NME7: variants seen among roughly 807,000 people sequenced by gnomAD.
NME7 encodes NME/NM23 family member 7, also known as nucleoside diphosphate kinase 7.
NME7 carries 41 observed loss-of-function variants against 49.1 expected under a neutral mutation model. The observed-to-expected ratio is 0.83, with a 90% CI of 0.65 to 1.08. The LOEUF is 1.08. Ranked by LOEUF, NME7 falls within the 50% of genes least tolerant of loss-of-function variation. NME7 has a pLI of 0.00. For synonymous variants in NME7, 139 were observed against 150.6 expected (o/e 0.92, Z 0.56); for missense variants, 423 against 463.4 (o/e 0.91, Z 0.80).
chr1:169,202,136 A>C (rs1240084411), intron 10 of NME7, among the ~76,000 whole-genome samples: 1 of 152,162 alleles, frequency 6.6e-6, no homozygotes, highest in Admixed American at 6.5e-5. Context: ...CATTTGCTGC[A>C]CATAGTAACT....
chr1:169,316,345 A>C (rs182074503), intron 3 of NME7, among the ~76,000 whole-genome samples: 2 of 152,294 alleles, frequency 1.3e-5, no homozygotes, highest in African/African-American at 4.8e-5. Flanking sequence ...TTATTATAGA[A>C]CTGTAAGTTA....
intron 11 of NME7, among the ~76,000 whole-genome samples, chr1:169,168,246 C>T (rs1659470623): frequency 6.6e-6 from 1 of 152,142 alleles, no homozygotes; most frequent in African/African-American, 2.4e-5. Context: ...TTCTTTTGTT[C>T]CTGCTCTAAA....
intron 10 of NME7, among the ~76,000 whole-genome samples, chr1:169,209,665 ATTCT>A (rs1341681664): frequency 6.6e-6 from 1 of 152,138 alleles, no homozygotes; most frequent in Non-Finnish European, 1.5e-5. Flanking sequence ...GATGTCATTA[ATTCT>A]TTATTTAAAT....
chr1:169,297,905 G>A (rs115093027), intron 6 of NME7, among the ~76,000 whole-genome samples: 38 of 152,308 alleles, frequency 2.5e-4, no homozygotes, highest in African/African-American at 8.9e-4. Flanking sequence ...TGAAAGAGCT[G>A]AAGGGACTTG....
At chr1:169,243,271 A>G (rs2101835434) in intron 7 of NME7, among the ~76,000 whole-genome samples, 1 of 152,316 alleles carries the variant, frequency 6.6e-6, no homozygotes, top group Middle Eastern at 3.4e-3. Context: ...AAAAGTGCAA[A>G]AGCAATTCAA....
chr1:169,267,135 G>A (rs1250106691), intron 7 of NME7, among the ~76,000 whole-genome samples: 1 of 133,494 alleles, frequency 7.5e-6, no homozygotes, highest in East Asian at 2.0e-4. Context: ...CGCCCAAGCT[G>A]AGAGCCAAAT....
chr1:169,320,171 A>C (rs891140565), intron 3 of NME7, among the ~76,000 whole-genome samples: 3 of 152,330 alleles, frequency 2.0e-5, no homozygotes, highest in Admixed American at 6.5e-5. Flanking sequence ...TCTAAACAAC[A>C]ATCATAAAGC....
chr1:169,342,507 A>C (rs926176317), intron 1 of NME7, among the ~76,000 whole-genome samples: 1 of 103,416 alleles, frequency 9.7e-6, no homozygotes. Flanking sequence ...ATACAAGTAC[A>C]TATATATATA....
chr1:169,282,777 T>C (rs1650077814), intron 7 of NME7, among the ~76,000 whole-genome samples: 1 of 152,200 alleles, frequency 6.6e-6, no homozygotes, highest in African/African-American at 2.4e-5. Flanking sequence ...AGTTTATTAA[T>C]CCTGAGTTCT....
intron 7 of NME7, chr1:169,283,745 C>A (rs1213377973): frequency 1.3e-5 from 2 of 152,136 alleles, no homozygotes; most frequent in Admixed American, 6.6e-5. Context: ...GTTGAAAATT[C>A]TTTTCTTTAA....
At chr1:169,185,184 G>A (rs1660033815) in intron 10 of NME7, among the ~76,000 whole-genome samples, 1 of 152,116 alleles carries the variant, frequency 6.6e-6, no homozygotes, top group Admixed American at 6.5e-5. Flanking sequence ...AAACACCTCT[G>A]ATGGGCCTCC....
intron 7 of NME7, among the ~76,000 whole-genome samples, chr1:169,251,434 C>G (rs1219801559): frequency 6.6e-6 from 1 of 151,696 alleles, no homozygotes; most frequent in Non-Finnish European, 1.5e-5. Context: ...ATCCATTCTG[C>G]CAATCTGTAT....
At chr1:169,292,473 T>G (rs577228508) in intron 6 of NME7, among the ~76,000 whole-genome samples, 1 of 151,948 alleles carries the variant, frequency 6.6e-6, no homozygotes, top group South Asian at 2.1e-4. Context: ...CTGAGCTGAG[T>G]GTTAAAAGGC....
rs532056718 is a variant in NME7, at chr1:169,171,621, G to T, written c.991-2067C>A. Among the ~76,000 whole-genome samples, 302 of 151,998 alleles carry T rather than the reference G, an allele frequency of 2.0e-3. 4 individuals are homozygous for T. The highest frequency in any genetic ancestry group is 7.1e-3 in the African/African-American group (293 of 41,460). ...CTACTAAAAATACAAAAATTAGCAG[G>T]GCATGGTGGCACGCACCTGTAGTCT... On this transcript the variant is annotated intron_variant, in intron 10 of 11. Coordinates refer to ENST00000367811, the MANE Select transcript of NME7 (RefSeq NM_013330.5).
chr1:169,288,003 A>G (rs1047027860), intron 6 of NME7, among the ~76,000 whole-genome samples: 1 of 152,158 alleles, frequency 6.6e-6, no homozygotes, highest in African/African-American at 2.4e-5. Flanking sequence ...GTTCACACTA[A>G]TCAGTTCTTT....
At chr1:169,289,870 TAAAAC>T (rs1241449924) in intron 6 of NME7, among the ~76,000 whole-genome samples, 1 of 152,088 alleles carries the variant, frequency 6.6e-6, no homozygotes, top group Admixed American at 6.6e-5. Flanking sequence ...AAAGTCTTTA[TAAAAC>T]AAAGTCACAA....
At chr1:169,163,329 G>A (rs114970959) in intron 11 of NME7, among the ~76,000 whole-genome samples, 2,199 of 151,894 alleles carry the variant, frequency 0.014, 49 homozygotes, top group African/African-American at 0.048. Context: ...ATGCCATACA[G>A]CAAAATAAAT....
At chr1:169,168,344 G>C (rs1369649510) in intron 11 of NME7, among the ~76,000 whole-genome samples, 7 of 152,134 alleles carry the variant, frequency 4.6e-5, no homozygotes, top group African/African-American at 1.4e-4. Flanking sequence ...TCTTTCTTCT[G>C]AAGAGGCAGA....
chr1:169,222,423 T>A (rs1661172652), intron 10 of NME7, among the ~76,000 whole-genome samples: 1 of 152,170 alleles, frequency 6.6e-6, no homozygotes, highest in African/African-American at 2.4e-5. Context: ...TTTTCTTAGC[T>A]TCCTGGAAAC....
Sources: gnomAD v4.1 joint callset for allele counts (sites outside exome capture counted in the v4.1 genomes callset) on GRCh38, gnomAD v4.1.1 for gene constraint, MANE v1.5 for transcripts, NCBI Gene and HGNC (gene_info 2026-07-23, HGNC 2026-07-21) for gene names.